The following CDYL variants were observed in gnomAD, a reference collection of about 807,000 sequenced individuals.
CDYL encodes chromodomain Y-like protein.
A neutral mutation model predicts 47.3 loss-of-function variants in CDYL; 8 were observed. That is an observed-to-expected ratio of 0.17 (90% CI 0.10 to 0.31). CDYL has a LOEUF of 0.31. CDYL is among the 10% of genes least tolerant of loss of function. CDYL has a pLI of 1.00. For synonymous variants in CDYL, 266 were observed against 265.0 expected (o/e 1.00, Z -0.04); for missense variants, 471 against 701.4 (o/e 0.67, Z 3.71).
At chr6:4,858,598 A>T (rs972852238) in intron 1 of CDYL, among the ~76,000 whole-genome samples, 3 of 152,238 alleles carry the variant, frequency 2.0e-5, no homozygotes, top group African/African-American at 7.2e-5. Flanking sequence ...CTTGGCTGGC[A>T]TGCTTATTCA....
At chr6:4,929,133 A>T (rs536921613) in intron 2 of CDYL, among the ~76,000 whole-genome samples, 39 of 152,234 alleles carry the variant, frequency 2.6e-4, no homozygotes, top group Admixed American at 7.2e-4. Flanking sequence ...GCCTGCTGGT[A>T]CAAACTCTCT....
intron 3 of CDYL, among the ~76,000 whole-genome samples, chr6:4,762,725 A>G (rs541751287): frequency 2.0e-5 from 3 of 151,702 alleles, no homozygotes; most frequent in South Asian, 4.2e-4. Context: ...CAAAAGATAG[A>G]TCAGGAGAAA....
At chr6:4,715,671 A>T in intron 1 of CDYL, 1 of 1,428,170 alleles carries the variant, frequency 7.0e-7, no homozygotes, top group Non-Finnish European at 9.4e-7. Context: ...GAAAGTCATT[A>T]AATGCCATGA....
At chr6:4,828,655 C>T (rs1428490765) in intron 1 of CDYL, among the ~76,000 whole-genome samples, 3 of 152,056 alleles carry the variant, frequency 2.0e-5, no homozygotes, top group African/African-American at 7.2e-5. Flanking sequence ...TAAATCATGT[C>T]TTTCTTCAGA....
chr6:4,859,971 G>A (rs373750202), intron 1 of CDYL, among the ~76,000 whole-genome samples: 2 of 149,926 alleles, frequency 1.3e-5, no homozygotes, highest in Non-Finnish European at 3.0e-5. Context: ...GCGCAATCTC[G>A]GCTCACTGCA....
At chr6:4,888,558 A>G (rs543095324) in intron 1 of CDYL, among the ~76,000 whole-genome samples, 31 of 152,154 alleles carry the variant, frequency 2.0e-4, no homozygotes, top group East Asian at 7.7e-4. Flanking sequence ...AAGTTTGTCA[A>G]TTTTGTTAAT....
intron 1 of CDYL, among the ~76,000 whole-genome samples, chr6:4,791,738 C>G (rs1758923171): frequency 6.6e-6 from 1 of 151,842 alleles, no homozygotes; most frequent in South Asian, 2.1e-4. Context: ...TGCCCTACCA[C>G]CCTGGTCTAA....
Position 4,950,892 on chromosome 6 carries a change from A to T in CDYL, c.1333-1374A>T, listed in dbSNP as rs376648359. On this transcript the variant is annotated intron_variant, in intron 5 of 6. Transcript: ENST00000397588. ...GCTTGCAGTGAGCCGATATTGCACC[A>T]CTGCACTCCAGCCTGGGCGACAGAA... Among the ~76,000 whole-genome samples, 3 of 148,228 alleles carry T rather than the reference A, an allele frequency of 2.0e-5. No homozygotes were observed. In the East Asian group the frequency reaches 6.0e-4, roughly 30 times the overall value.
At chr6:4,836,270 A>AG in intron 1 of CDYL, 1 of 985,486 alleles carries the variant, frequency 1.0e-6, no homozygotes, top group South Asian at 4.7e-5. Flanking sequence ...TGCTACCCAA[A>AG]ACTACATAAA....
chr6:4,869,590 A>G (rs577120425), intron 1 of CDYL, among the ~76,000 whole-genome samples: 34 of 152,140 alleles, frequency 2.2e-4, no homozygotes, highest in African/African-American at 7.5e-4. Context: ...TATTCTCTGA[A>G]TTTTAAAACT....
At chr6:4,713,742 C>A (rs1033918541) in intron 1 of CDYL, among the ~76,000 whole-genome samples, 4 of 152,108 alleles carry the variant, frequency 2.6e-5, no homozygotes, top group African/African-American at 9.7e-5. Flanking sequence ...CATGGGCCAC[C>A]ACACCCAGCT....
chr6:4,902,441 G>A (rs6920197), intron 2 of CDYL, among the ~76,000 whole-genome samples: 3,549 of 150,874 alleles, frequency 0.024, 145 homozygotes, highest in African/African-American at 0.081. Flanking sequence ...TACTGAGCAA[G>A]CCTGGACAAT....
intron 1 of CDYL, among the ~76,000 whole-genome samples, chr6:4,800,071 A>G (rs1415832373): frequency 6.6e-6 from 1 of 152,200 alleles, no homozygotes; most frequent in Non-Finnish European, 1.5e-5. Flanking sequence ...TTTAGAAACC[A>G]GAATATAGTC....
chr6:4,745,735 T>C lies in CDYL; in HGVS notation c.186+10891T>C, dbSNP rs113270497. Among the ~76,000 whole-genome samples the C allele has an allele frequency of 5.0e-3, 758 of 152,306 alleles. 3 individuals are homozygous for C. The highest frequency in any genetic ancestry group is 0.015 in the African/African-American group (639 of 41,570). On this transcript the variant is annotated intron_variant, in intron 3 of 8. Transcript: ENST00000328908. ...CTGTCAGTTAAGCTCAGGTGTTGTG[T>C]CTGCAACGAGAGGCAGCTGGTCTCA...
chr6:4,890,143 G>A (rs1318967847), intron 1 of CDYL: 1 of 985,324 alleles, frequency 1.0e-6, no homozygotes, highest in African/African-American at 1.7e-5. Flanking sequence ...TGGGCAGGAG[G>A]CAGGGGGAAC....
intron 1 of CDYL, among the ~76,000 whole-genome samples, chr6:4,777,210 G>A (rs905346791): frequency 6.6e-6 from 1 of 151,968 alleles, no homozygotes; most frequent in African/African-American, 2.4e-5. Context: ...ATTTGGGAGA[G>A]GGTTTTGCCC....
Position 4,833,284 on chromosome 6 carries a change from G to A in CDYL, c.24+56477G>A, listed in dbSNP as rs1480123835. ...TCTGGTATGTTGTGTCTTTGTTCTC[G>A]TTGGTTTCAAAGAACATCTTTATTT... On this transcript the variant is annotated intron_variant, in intron 1 of 6. Transcript: ENST00000397588. Among the ~76,000 whole-genome samples, 26 of 147,614 alleles carry A rather than the reference G, an allele frequency of 1.8e-4. 2 individuals carry two copies. Among genetic ancestry groups the A allele is most frequent in the South Asian group, 4.3e-4 (2 of 4,652 alleles).
intron 2 of CDYL, among the ~76,000 whole-genome samples, chr6:4,922,458 T>C (rs1757744739): frequency 6.6e-6 from 1 of 152,244 alleles, no homozygotes; most frequent in Non-Finnish European, 1.5e-5. Flanking sequence ...TAAAAAAGTA[T>C]AAATACAAGC....
chr6:4,830,833 T>C (rs1020489297), intron 1 of CDYL, among the ~76,000 whole-genome samples: 2 of 145,222 alleles, frequency 1.4e-5, no homozygotes, highest in African/African-American at 2.6e-5. Flanking sequence ...AATTCCCACC[T>C]ATGAGTGAGA....
Sources: gnomAD v4.1 joint callset for allele counts (sites outside exome capture counted in the v4.1 genomes callset) on GRCh38, gnomAD v4.1.1 for gene constraint, MANE v1.5 for transcripts, NCBI Gene and HGNC (gene_info 2026-07-23, HGNC 2026-07-21) for gene names.